Variants in XPO6 observed in about 807,000 individuals in gnomAD.
The protein encoded by XPO6 is exportin-6.
In XPO6, 3 loss-of-function variants were observed where a neutral mutation model predicts 130.0. That is an observed-to-expected ratio of 0.02 (90% CI 0.01 to 0.06). XPO6 has a LOEUF of 0.06. XPO6 is among the 10% of genes least tolerant of loss of function. XPO6 has a pLI of 1.00. For synonymous variants in XPO6, 524 were observed against 548.9 expected (o/e 0.95, Z 0.63); for missense variants, 970 against 1,393.0 (o/e 0.70, Z 4.83).
Position 28,211,574 on chromosome 16 carries a change from A to T in XPO6, c.-206T>A. The T allele has an allele frequency of 2.3e-6, 1 of 432,088 alleles. No individual in the cohort carries two copies. The highest frequency in any genetic ancestry group is 6.0e-4 in the Middle Eastern group (1 of 1,654). The allele number at this position is 432,088 out of a possible 1,614,324, so 26.8% of individuals were successfully genotyped here. A position where few individuals can be genotyped will look rare whatever the true frequency, so the allele number is the denominator to read the frequency against. ...TCATCGGGGGACCCCGAGACAATTC[A>T]TCCAGACCCACCCGCCCCTCCCCAA... On this transcript the variant is annotated 5_prime_UTR_variant, in exon 1 of 24. An upstream start codon of the reference 5' UTR is lost. Transcript: ENST00000304658.
intron 12 of XPO6, among the ~76,000 whole-genome samples, chr16:28,128,234 C>A (rs748231051): frequency 2.6e-5 from 4 of 152,204 alleles, no homozygotes; most frequent in Non-Finnish European, 5.9e-5. Context: ...CCTCTGCACA[C>A]CAACCAGACC....
At chr16:28,151,325 A>G (rs1596885028) in intron 8 of XPO6, among the ~76,000 whole-genome samples, 1 of 152,226 alleles carries the variant, frequency 6.6e-6, no homozygotes, top group Non-Finnish European at 1.5e-5. Flanking sequence ...ATCAGTAAGC[A>G]CTGGAAGCAG....
chr16:28,152,120 T>C (rs1006689425), intron 8 of XPO6, among the ~76,000 whole-genome samples: 2 of 152,150 alleles, frequency 1.3e-5, no homozygotes, highest in African/African-American at 2.4e-5. Context: ...CTAGGGTCAC[T>C]AGAATGTAAG....
intron 17 of XPO6, among the ~76,000 whole-genome samples, chr16:28,108,976 C>T (rs539783604): frequency 6.6e-6 from 1 of 152,282 alleles, no homozygotes; most frequent in African/African-American, 2.4e-5. Flanking sequence ...AAAGGCTCAC[C>T]CACACTGCTG....
At chr16:28,191,338 AAAGT>A (rs1451230852) in intron 1 of XPO6, among the ~76,000 whole-genome samples, 2 of 152,230 alleles carry the variant, frequency 1.3e-5, no homozygotes, top group African/African-American at 2.4e-5. Context: ...GAAACTGTCT[AAAGT>A]AAGTAATACA....
At chr16:28,147,710 C>G (rs905007273) in intron 8 of XPO6, among the ~76,000 whole-genome samples, 1 of 152,174 alleles carries the variant, frequency 6.6e-6, no homozygotes, top group African/African-American at 2.4e-5. Flanking sequence ...CTTTGGGAGG[C>G]CCAGGCGGGT....
intron 12 of XPO6, among the ~76,000 whole-genome samples, chr16:28,131,501 G>C (rs995357280): frequency 3.3e-5 from 5 of 152,234 alleles, no homozygotes; most frequent in African/African-American, 1.2e-4. Context: ...TGATGGGGCA[G>C]GGAGGACACA....
chr16:28,178,216 C>T (rs919322292), intron 2 of XPO6, among the ~76,000 whole-genome samples: 1 of 152,182 alleles, frequency 6.6e-6, no homozygotes, highest in Non-Finnish European at 1.5e-5. Context: ...ATCCTCAAGT[C>T]ATTGCTCTGC....
intron 7 of XPO6, chr16:28,155,758 G>T: frequency 3.2e-6 from 1 of 308,472 alleles, no homozygotes; most frequent in Non-Finnish European, 5.5e-6. Flanking sequence ...CTCAGTCCCT[G>T]CACCACCTCA....
At chr16:28,158,594 T>C (rs1457527732) in intron 6 of XPO6, among the ~76,000 whole-genome samples, 2 of 152,246 alleles carry the variant, frequency 1.3e-5, no homozygotes, top group African/African-American at 2.4e-5. Flanking sequence ...TCAGCAGATA[T>C]AACTTACAAA....
rs779347030 is a variant in XPO6, at chr16:28,180,672, C to A, written c.94+269G>T. Among the ~76,000 whole-genome samples, 8 of 152,192 alleles carry A rather than the reference C, an allele frequency of 5.3e-5. No individual in the cohort carries two copies. In the East Asian group the frequency reaches 1.6e-3, roughly 29 times the overall value. Reference sequence around the variant, plus strand: ...CATAGCAAGACCCTGTCCCACCCCACCCTAGACGCCCCCACCAAAAAGTCG... The same window carrying A: ...CATAGCAAGACCCTGTCCCACCCCAACCTAGACGCCCCCACCAAAAAGTCG... On this transcript the variant is annotated intron_variant, in intron 2 of 23. Coordinates refer to ENST00000304658, the MANE Select transcript of XPO6 (RefSeq NM_015171.4).
intron 8 of XPO6, among the ~76,000 whole-genome samples, chr16:28,149,867 A>G (rs967179681): frequency 6.6e-6 from 1 of 152,350 alleles, no homozygotes; most frequent in East Asian, 1.9e-4. Flanking sequence ...TAGACGAGAG[A>G]AAGACACATT....
intron 1 of XPO6, among the ~76,000 whole-genome samples, chr16:28,201,201 A>T (rs1202258058): frequency 1.3e-5 from 2 of 152,116 alleles, no homozygotes; most frequent in African/African-American, 4.8e-5. Flanking sequence ...AAATACAGTT[A>T]TCTGAGCTTG....
intron 1 of XPO6, among the ~76,000 whole-genome samples, chr16:28,192,809 G>T (rs1373038050): frequency 6.6e-6 from 1 of 152,158 alleles, no homozygotes; most frequent in Non-Finnish European, 1.5e-5. Flanking sequence ...AGAATGAGGG[G>T]ACACAGGAAG....
intron 9 of XPO6, among the ~76,000 whole-genome samples, chr16:28,145,431 G>A (rs2042966148): frequency 1.3e-5 from 2 of 152,104 alleles, no homozygotes; most frequent in South Asian, 4.1e-4. Context: ...CAAGAAAAAT[G>A]GGTTTGAGAA....
At chr16:28,154,723 C>T (rs903662587) in intron 7 of XPO6, 8 of 152,168 alleles carry the variant, frequency 5.3e-5, no homozygotes, top group African/African-American at 1.9e-4. Flanking sequence ...TCTATACCAT[C>T]CAAATGGAAG....
intron 8 of XPO6, 128 bp downstream of exon 8, chr16:28,152,531 G>A (rs1453992494): frequency 2.6e-6 from 3 of 1,156,262 alleles, no homozygotes; most frequent in Non-Finnish European, 3.5e-6. Flanking sequence ...TTAAACCTGT[G>A]ACTCTTCACA....
At position 28,125,696 on chromosome 16, in the gene XPO6, C is replaced by T. The variant is rs751946143; in HGVS notation, c.1759G>A (p.Val587Met). The T allele has an allele frequency of 8.1e-6, 13 of 1,613,576 alleles. No homozygotes were observed. The highest frequency in any genetic ancestry group is 2.2e-5 in the East Asian group (1 of 44,854). Residue 587 changes from valine (V) to methionine (M), a missense_variant, in exon 13 of 24, where the codon GTG (valine) becomes ATG (methionine). Physicochemically the swap from Val to Met is conservative, Grantham distance 21. Around this residue, in one of 4 missense-constraint regions of XPO6, gnomAD observed 936 missense variants for 1,306.8 expected, o/e 0.72. Coordinates refer to ENST00000304658, the MANE Select transcript of XPO6 (RefSeq NM_015171.4). ...AARFNDALTVVERLVKVTLYG... is the reference protein window; with the variant it reads ...AARFNDALTVMERLVKVTLYG... The stretch of plus-strand genomic sequence containing the variant: ...AGGTAACTGCCAGCCTACCTTTCCA[C>T]GACTGTGAGGGCATCATTGAACCGT...
chr16:28,183,096 C>T (rs1314281929), intron 1 of XPO6, among the ~76,000 whole-genome samples: 1 of 152,166 alleles, frequency 6.6e-6, no homozygotes, highest in Non-Finnish European at 1.5e-5. Flanking sequence ...TTGAGCTTAT[C>T]ACATCCAGGC....
Sources: allele counts gnomAD v4.1 joint callset (sites outside exome capture counted in the v4.1 genomes callset), GRCh38; gene constraint gnomAD v4.1.1; regional missense constraint gnomAD v4.1.1; transcripts MANE v1.5; gene names NCBI Gene and HGNC (gene_info 2026-07-23, HGNC 2026-07-21).